The following ASTN1 variants were observed in gnomAD, a reference collection of about 807,000 sequenced individuals.
ASTN1 encodes astrotactin-1.
ASTN1 carries 41 observed loss-of-function variants against 140.7 expected under a neutral mutation model. That is an observed-to-expected ratio of 0.29 (90% CI 0.23 to 0.38). The LOEUF (loss-of-function observed/expected upper bound fraction) is 0.38, where lower values mean the gene tolerates loss of function less well. Among genes scored for constraint, ASTN1 ranks in the 10% least tolerant of loss-of-function variants. The pLI, the probability that ASTN1 is intolerant of heterozygous loss-of-function variation, is 1.00. For missense variants in ASTN1, 1,479 were observed against 1,678.8 expected (o/e 0.88, Z 2.08); for synonymous variants, 640 against 652.2 (o/e 0.98, Z 0.29).
At position 176,882,924 on chromosome 1, in the gene ASTN1, C is replaced by T. The variant is rs780510459; in HGVS notation, c.3297G>A (p.Val1099=). 1 of 1,614,132 alleles carries T rather than the reference C, an allele frequency of 6.2e-7. No homozygotes were observed. The highest frequency in any genetic ancestry group is 8.5e-7 in the Non-Finnish European group (1 of 1,180,016). Residue 1099 remains valine (V), a synonymous_variant, in exon 20 of 23, where the codon GTG becomes GTA. Transcript: ENST00000361833. ...AGATGGTGGTGAGCTGCTTGTCCGG[C>T]ACCTGAGATGGCATTGCACAAGGAG... ...AKSPCAMPSQ[V]PDKQLTTISL...
At chr1:176,910,204 G>C (rs1670173195) in intron 16 of ASTN1, among the ~76,000 whole-genome samples, 1 of 152,220 alleles carries the variant, frequency 6.6e-6, no homozygotes, top group South Asian at 2.1e-4. Context: ...AGAAGCGAAT[G>C]TTATCAAGAA....
At chr1:177,013,027 G>A (rs1176924020) in intron 8 of ASTN1, among the ~76,000 whole-genome samples, 1 of 152,150 alleles carries the variant, frequency 6.6e-6, no homozygotes, top group Non-Finnish European at 1.5e-5. Flanking sequence ...AAGATGGTAA[G>A]GGGACTCCAT....
chr1:176,883,380 A>G (rs1313385236), intron 19 of ASTN1, among the ~76,000 whole-genome samples: 1 of 152,006 alleles, frequency 6.6e-6, no homozygotes, highest in Admixed American at 6.6e-5. Context: ...TTACAGGCAC[A>G]TGCCGGGGTT....
chr1:176,858,344 T>C (rs1667872715), downstream of ASTN1, among the ~76,000 whole-genome samples: 1 of 152,256 alleles, frequency 6.6e-6, no homozygotes, highest in Non-Finnish European at 1.5e-5. Flanking sequence ...AAACTGCTCA[T>C]TAACTGCTCA....
chr1:176,868,951 G>C lies in ASTN1; in HGVS notation c.3540C>G (p.Leu1180=). 6.2e-7 allele frequency: 1 copy of C among 1,613,270 alleles called. No homozygotes were observed. The highest frequency in any genetic ancestry group is 1.3e-5 in the African/African-American group (1 of 75,052). ...GKEQQTAYNT[L]LDLGSPTLHR... ...GTAAGGTGGGGGAACCCAGATCCAGGAGGGTGTTGTAGGCGGTCTGCTGCT... is the reference window on the plus strand; with the variant it reads ...GTAAGGTGGGGGAACCCAGATCCAGCAGGGTGTTGTAGGCGGTCTGCTGCT... The change falls in exon 22 of 23, where the codon CTC becomes CTG. Residue 1180 remains leucine, a synonymous_variant. Coordinates refer to ENST00000361833, the MANE Select transcript of ASTN1 (RefSeq NM_004319.3).
chr1:177,121,981 C>A (rs756763164), intron 1 of ASTN1, among the ~76,000 whole-genome samples: 1 of 152,134 alleles, frequency 6.6e-6, no homozygotes, highest in Admixed American at 6.6e-5. Context: ...ACCCACTTAG[C>A]ACAAAACTGG....
At chr1:177,107,157 A>C in intron 1 of ASTN1, among the ~76,000 whole-genome samples, 1 of 152,218 alleles carries the variant, frequency 6.6e-6, no homozygotes, top group South Asian at 2.1e-4. Context: ...AGAAATGAAG[A>C]ATCTCCCCAG....
At chr1:177,115,305 GA>G (rs1166844757) in intron 1 of ASTN1, among the ~76,000 whole-genome samples, 5 of 152,148 alleles carry the variant, frequency 3.3e-5, no homozygotes, top group African/African-American at 1.2e-4. Flanking sequence ...AAAATTAAAT[GA>G]AAAGATGGAT....
intron 1 of ASTN1, among the ~76,000 whole-genome samples, chr1:177,155,313 T>C (rs1348573818): frequency 1.3e-5 from 2 of 152,212 alleles, no homozygotes; most frequent in South Asian, 4.1e-4. Flanking sequence ...TGTGTGAACA[T>C]TCATTAACTT....
intron 14 of ASTN1, among the ~76,000 whole-genome samples, chr1:176,941,999 C>A (rs1032268844): frequency 6.6e-6 from 1 of 152,122 alleles, no homozygotes; most frequent in African/African-American, 2.4e-5. Flanking sequence ...TGCGCGTGTG[C>A]ATGTAATATT....
At chr1:176,881,488 C>T (rs1405549476) in intron 20 of ASTN1, among the ~76,000 whole-genome samples, 1 of 152,168 alleles carries the variant, frequency 6.6e-6, no homozygotes, top group Non-Finnish European at 1.5e-5. Context: ...TGAGCCTTTA[C>T]TATAAATGAT....
rs537134319 is a variant in ASTN1 at position 177,118,698 on chromosome 1, C to G, written c.283+45696G>C. On this transcript the variant is annotated intron_variant, in intron 1 of 22. Coordinates refer to ENST00000361833, the MANE Select transcript of ASTN1 (RefSeq NM_004319.3). ...GTCTTTAAAAATCAGGCCTGTCCAC[C>G]CTCTCAGGCTCCATGGCATTTGGTT... 6.6e-5 allele frequency among the ~76,000 whole-genome samples: 10 copies of G among 152,224 alleles called. No individual in the cohort carries two copies. The South Asian group carries it at 2.1e-3, about 32-fold the overall frequency.
At chr1:176,907,248 C>A (rs928271950) in intron 16 of ASTN1, among the ~76,000 whole-genome samples, 1 of 152,150 alleles carries the variant, frequency 6.6e-6, no homozygotes, top group Non-Finnish European at 1.5e-5. Flanking sequence ...AGATCCACCA[C>A]CCTGGACAAA....
At chr1:177,005,899 G>A (rs547640448) in intron 8 of ASTN1, among the ~76,000 whole-genome samples, 4 of 152,264 alleles carry the variant, frequency 2.6e-5, no homozygotes, top group South Asian at 2.1e-4. Context: ...GTGAGCCACC[G>A]TGCCCTGCCT....
intron 21 of ASTN1, among the ~76,000 whole-genome samples, chr1:176,870,365 C>T (rs1396097165): frequency 6.6e-6 from 1 of 152,368 alleles, no homozygotes; most frequent in East Asian, 1.9e-4. Flanking sequence ...GACTTCAGCA[C>T]TGCTGGTCAT....
intron 17 of ASTN1, 79 bp downstream of exon 17, chr1:176,894,483 C>T: frequency 6.5e-7 from 1 of 1,534,928 alleles, no homozygotes. Flanking sequence ...CAACCACACC[C>T]TGTCACTTCC....
Position 177,061,181 on chromosome 1 carries a change from T to C in ASTN1, c.368A>G (p.His123Arg). The C allele has an allele frequency of 6.2e-7, 1 of 1,611,438 alleles. No homozygotes were observed. Among genetic ancestry groups the C allele is most frequent in the Non-Finnish European group, 8.5e-7 (1 of 1,178,866 alleles). The change falls in exon 2 of 23, where the codon CAT (histidine) becomes CGT (arginine). Residue 123 changes from histidine to arginine, a missense_variant. Transcript: ENST00000361833. ...AAGGCTTGGGGCACCATCTTGGTGATGAATGTGAAAAAGCAAAGTGCCATT... is the reference window on the plus strand; with the variant it reads ...AAGGCTTGGGGCACCATCTTGGTGACGAATGTGAAAAAGCAAAGTGCCATT... The part of the protein sequence containing the change: ...LENGTLLFHI[H>R]HQDGAPSLPG...
chr1:177,047,808 G>C (rs1200650391), intron 2 of ASTN1, among the ~76,000 whole-genome samples: 1 of 152,202 alleles, frequency 6.6e-6, no homozygotes, highest in Non-Finnish European at 1.5e-5. Context: ...GGTACAGAAA[G>C]TGGAAACATG....
intron 16 of ASTN1, among the ~76,000 whole-genome samples, chr1:176,895,617 A>T: frequency 6.6e-6 from 1 of 152,224 alleles, no homozygotes; most frequent in East Asian, 1.9e-4. Context: ...AACTTGAGAG[A>T]TGGGTCCACA....
Sources: allele counts gnomAD v4.1 joint callset (sites outside exome capture counted in the v4.1 genomes callset), GRCh38; gene constraint gnomAD v4.1.1; transcripts MANE v1.5; gene names NCBI Gene and HGNC (gene_info 2026-07-23, HGNC 2026-07-21).